Variants in KCNC1 observed in about 807,000 individuals in gnomAD.
KCNC1 encodes voltage-gated potassium channel KCNC1.
Under a neutral mutation model 43.4 loss-of-function variants are expected in KCNC1, and 8 were observed. That is an observed-to-expected ratio of 0.18 (90% confidence interval 0.11 to 0.33). The LOEUF (loss-of-function observed/expected upper bound fraction) is 0.33, where lower values mean the gene tolerates loss of function less well. Ranked by LOEUF, KCNC1 falls within the 10% of genes least tolerant of loss-of-function variation. KCNC1 has a pLI of 1.00. For synonymous variants in KCNC1, 361 were observed against 360.5 expected (o/e 1.00, Z -0.01); for missense variants, 420 against 836.0 (o/e 0.50, Z 6.14).
Position 17,779,190 on chromosome 11 carries a change from T to G in KCNC1, c.1505-266T>G. On this transcript the variant is annotated intron_variant, in intron 2 of 3. Transcript: ENST00000265969. The surrounding 1 kb of genome is among the most constrained non-coding windows in gnomAD (Gnocchi z 7.2). ...CCCAGCACCACACCTGCTGGATCCA[T>G]CACCAACTCATCTTTTTGCAAACTT... 2 of 389,982 alleles carry G rather than the reference T, an allele frequency of 5.1e-6. No individual in the cohort carries two copies. The highest frequency in any genetic ancestry group is 9.1e-6 in the Non-Finnish European group (2 of 218,658). 24.2% of individuals were successfully genotyped at this position (389,982 alleles called of 1,614,324 possible). A position where few individuals can be genotyped will look rare whatever the true frequency, so the allele number is the denominator to read the frequency against.
chr11:17,773,008 C>G lies in KCNC1; in HGVS notation c.1504+410C>G, dbSNP rs1002549078. On this transcript the variant is annotated intron_variant, in intron 2 of 3. Coordinates refer to ENST00000265969, the MANE Select transcript of KCNC1 (RefSeq NM_001112741.2). This position sits in a 1 kb window ranked among gnomAD's most constrained non-coding sequence, Gnocchi z 4.1. ...GCGGGTGTGATTTGGAAACGCTAGA[C>G]AGCCTTTGATCTGGTCCTTACCATG... The G allele has an allele frequency of 2.3e-5, 24 of 1,064,676 alleles. No individual in the cohort carries two copies. The highest frequency in any genetic ancestry group is 8.7e-4 in the Middle Eastern group (2 of 2,292). The allele number at this position is 1,064,676 out of a possible 1,614,324, so 66.0% of individuals were successfully genotyped here. A position where few individuals can be genotyped will look rare whatever the true frequency, so the allele number is the denominator to read the frequency against.
At chr11:17,759,284 G>A (rs1182472723) in intron 1 of KCNC1, among the ~76,000 whole-genome samples, 1 of 152,188 alleles carries the variant, frequency 6.6e-6, no homozygotes, top group Admixed American at 6.5e-5. Flanking sequence ...TTAGAGCCTT[G>A]CTCTAGATTA....
Position 17,777,440 on chromosome 11 carries a change from C to T in KCNC1, c.1505-2016C>T, listed in dbSNP as rs963752200. On this transcript the variant is annotated intron_variant, in intron 2 of 3. Transcript: ENST00000265969. The surrounding 1 kb of genome is among the most constrained non-coding windows in gnomAD (Gnocchi z 4.3). ...GTGCTATGGGCCTCAACCCCCACAT[C>T]GTCATCCGCGTCCTCTCCATACTGT... 8 of 985,810 alleles carry T rather than the reference C, an allele frequency of 8.1e-6. No individual in the cohort carries two copies. Among genetic ancestry groups the T allele is most frequent in the South Asian group, 9.4e-5 (2 of 21,290 alleles). The allele number at this position is 985,810 out of a possible 1,614,324, so 61.1% of individuals were successfully genotyped here.
Position 17,736,365 on chromosome 11 carries a change from C to T in KCNC1, c.363C>T (p.Ser121=), listed in dbSNP as rs768945903. 2 of 1,612,342 alleles carry T rather than the reference C, an allele frequency of 1.2e-6. No individual in the cohort carries two copies. The highest frequency in any genetic ancestry group is 1.1e-5 in the South Asian group (1 of 90,996). Residue 121 remains serine (S), a synonymous_variant, in exon 1 of 4, where the codon AGC becomes AGT. Transcript: ENST00000265969. This position sits in a 1 kb window ranked among gnomAD's most constrained non-coding sequence, Gnocchi z 9.3. The stretch of plus-strand genomic sequence containing the variant: ...GCGACGCCGAGGAGGCTCTGGACAG[C>T]TTCGGCGGCGCTCCTCTGGACAACA... ...QHRDAEEALD[S]FGGAPLDNSA...
In KCNC1 at chr11:17,781,595, TA is replaced by T; in HGVS notation, c.1694-70del. On this transcript the variant is annotated intron_variant, in intron 3 of 3. Coordinates refer to ENST00000265969, the MANE Select transcript of KCNC1 (RefSeq NM_001112741.2). This position sits in a 1 kb window ranked among gnomAD's most constrained non-coding sequence, Gnocchi z 5.1. ...CTGTTCTGTCTTTCCTCCTCCTTCT[TA>T]AAAACTAAGTACCAAGCGGGATGGG... The T allele has an allele frequency of 9.4e-7, 1 of 1,061,244 alleles. No individual in the cohort carries two copies. The highest frequency in any genetic ancestry group is 1.4e-6 in the Non-Finnish European group (1 of 707,022). 65.7% of individuals were successfully genotyped at this position (1,061,244 alleles called of 1,614,324 possible).
At position 17,736,618 on chromosome 11, in the gene KCNC1, G is replaced by A. The variant is rs1414663920; in HGVS notation, c.570+46G>A. 38 of 1,451,648 alleles carry A rather than the reference G, an allele frequency of 2.6e-5. No individual in the cohort carries two copies. Among genetic ancestry groups the A allele is most frequent in the Non-Finnish European group, 3.0e-5 (33 of 1,109,168 alleles). The allele number at this position is 1,451,648 out of a possible 1,614,324, so 89.9% of individuals were successfully genotyped here. ...CAGAAGAGCGGGGCGGGAAGGCAGC[G>A]TCCTGTGCCTCCCCGCGGGCAGGGG... On this transcript the variant is annotated intron_variant, in intron 1 of 3. Transcript: ENST00000265969. This position sits in a 1 kb window ranked among gnomAD's most constrained non-coding sequence, Gnocchi z 9.3.
intron 1 of KCNC1, among the ~76,000 whole-genome samples, chr11:17,755,938 C>T (rs762011113): frequency 5.3e-5 from 8 of 152,000 alleles, no homozygotes; most frequent in African/African-American, 7.3e-5. Context: ...CAGGGTGCCC[C>T]GATAGAGACT....
At position 17,772,868 on chromosome 11, in the gene KCNC1, G is replaced by A. The variant is rs559361866; in HGVS notation, c.1504+270G>A. ...ATGTTCTGAAGAGACAACGCGGCCCGCCAGGTTGCTGAGGACTAACTTAGC... is the reference window on the plus strand; with the variant it reads ...ATGTTCTGAAGAGACAACGCGGCCCACCAGGTTGCTGAGGACTAACTTAGC... On this transcript the variant is annotated intron_variant, in intron 2 of 3. Transcript: ENST00000265969. The A allele has an allele frequency of 3.0e-5, 39 of 1,307,326 alleles. 1 individual carries two copies. The South Asian group carries it at 4.8e-4, about 16-fold the overall frequency. The allele number at this position is 1,307,326 out of a possible 1,614,324, so 81.0% of individuals were successfully genotyped here. A position where few individuals can be genotyped will look rare whatever the true frequency, so the allele number is the denominator to read the frequency against.
At chr11:17,746,020 G>C (rs978768241) in intron 1 of KCNC1, among the ~76,000 whole-genome samples, 1 of 152,168 alleles carries the variant, frequency 6.6e-6, no homozygotes, top group Non-Finnish European at 1.5e-5. Context: ...CTAGAGTAGG[G>C]CCTGGTACAT....
chr11:17,754,935 G>GT (rs1565157932), intron 1 of KCNC1, among the ~76,000 whole-genome samples: 2 of 152,090 alleles, frequency 1.3e-5, no homozygotes, highest in Non-Finnish European at 2.9e-5. Flanking sequence ...TTTCTTATAG[G>GT]TAAATTATAC....
At chr11:17,761,977 C>A (rs896165000) in intron 1 of KCNC1, among the ~76,000 whole-genome samples, 1 of 152,194 alleles carries the variant, frequency 6.6e-6, no homozygotes, top group Non-Finnish European at 1.5e-5. Flanking sequence ...TTCTTACTCC[C>A]AGCTCTCCTT....
chr11:17,770,921 GTC>G (rs990047349), intron 1 of KCNC1, among the ~76,000 whole-genome samples: 1 of 152,190 alleles, frequency 6.6e-6, no homozygotes, highest in Non-Finnish European at 1.5e-5. Flanking sequence ...TCCTCAAACA[GTC>G]TCTCTCACAA....
At chr11:17,744,994 A>G (rs963422399) in intron 1 of KCNC1, among the ~76,000 whole-genome samples, 1 of 152,046 alleles carries the variant, frequency 6.6e-6, no homozygotes, top group Non-Finnish European at 1.5e-5. Context: ...CCTTCCATTC[A>G]AGGTGTGGCC....
At chr11:17,766,729 G>A (rs1244163120) in intron 1 of KCNC1, among the ~76,000 whole-genome samples, 4 of 152,082 alleles carry the variant, frequency 2.6e-5, no homozygotes, top group African/African-American at 4.8e-5. Context: ...CTGCTCTTAC[G>A]GATTCTGAGC....
At chr11:17,762,403 C>T (rs979558071) in intron 1 of KCNC1, among the ~76,000 whole-genome samples, 1 of 152,166 alleles carries the variant, frequency 6.6e-6, no homozygotes, top group East Asian at 1.9e-4. Context: ...GGAGGCTCAG[C>T]GGTGTGTCTG....
chr11:17,777,971 C>A lies in KCNC1; in HGVS notation c.1505-1485C>A, dbSNP rs1275653875. 1.0e-5 allele frequency: 5 copies of A among 477,406 alleles called. No individual in the cohort carries two copies. The South Asian group carries it at 4.5e-4, about 43-fold the overall frequency. 29.6% of individuals were successfully genotyped at this position (477,406 alleles called of 1,614,324 possible). A position where few individuals can be genotyped will look rare whatever the true frequency, so the allele number is the denominator to read the frequency against. ...ACAGGATCACGGGAGAGTGTTCAATCGGGTGGACATTGTCTCCAGCCTTTT... is the reference window on the plus strand; with the variant it reads ...ACAGGATCACGGGAGAGTGTTCAATAGGGTGGACATTGTCTCCAGCCTTTT... On this transcript the variant is annotated intron_variant, in intron 2 of 3. Coordinates refer to ENST00000265969, the MANE Select transcript of KCNC1 (RefSeq NM_001112741.2). This position sits in a 1 kb window ranked among gnomAD's most constrained non-coding sequence, Gnocchi z 4.3.
intron 1 of KCNC1, among the ~76,000 whole-genome samples, chr11:17,760,823 C>T (rs1849069204): frequency 6.6e-6 from 1 of 152,366 alleles, no homozygotes; most frequent in Non-Finnish European, 1.5e-5. Context: ...GGCAGCTCCT[C>T]ATCTAGAGAG....
intron 1 of KCNC1, among the ~76,000 whole-genome samples, chr11:17,745,153 C>T (rs539417954): frequency 2.0e-5 from 3 of 152,280 alleles, no homozygotes; most frequent in East Asian, 1.9e-4. Context: ...ATGCAGGCAG[C>T]GGCTCCAGTC....
Position 17,740,201 on chromosome 11 carries a change from G to T in KCNC1, c.570+3629G>T, listed in dbSNP as rs75025146. Among the ~76,000 whole-genome samples, 851 of 152,286 alleles carry T rather than the reference G, an allele frequency of 5.6e-3. 6 individuals carry two copies. The highest frequency in any genetic ancestry group is 0.019 in the African/African-American group (792 of 41,548). On this transcript the variant is annotated intron_variant, in intron 1 of 3. Coordinates refer to ENST00000265969, the MANE Select transcript of KCNC1 (RefSeq NM_001112741.2). The stretch of plus-strand genomic sequence containing the variant: ...GCTGGCTGGGGCAGCTGCTCCCCTG[G>T]CCCCCTTTCCTGTGCTCTGGGCATC...
Sources: allele counts gnomAD v4.1 joint callset (sites outside exome capture counted in the v4.1 genomes callset), GRCh38; gene constraint gnomAD v4.1.1; non-coding constraint Gnocchi (gnomAD v3.1); transcripts MANE v1.5; gene names NCBI Gene and HGNC (gene_info 2026-07-23, HGNC 2026-07-21).